Variants in SLC25A26 observed in about 807,000 individuals in gnomAD.
The protein encoded by SLC25A26 is solute carrier family 25 member 26.
Under a neutral mutation model 37.8 loss-of-function variants are expected in SLC25A26, and 36 were observed. The observed-to-expected ratio is 0.95, with a 90% confidence interval of 0.73 to 1.26. The LOEUF is 1.26. Ranked by LOEUF, SLC25A26 falls within the 50% of genes most tolerant of loss-of-function variation. The probability of loss-of-function intolerance (pLI) is 0.00; values close to 1 mark genes in which losing one functional copy is unlikely to be tolerated. For synonymous variants in SLC25A26, 129 were observed against 122.5 expected (o/e 1.05, Z -0.35); for missense variants, 390 against 331.1 (o/e 1.18, Z -1.38).
At chr3:66,291,295 TTG>T (rs747161605) in intron 5 of SLC25A26, among the ~76,000 whole-genome samples, 6 of 152,178 alleles carry the variant, frequency 3.9e-5, no homozygotes, top group South Asian at 4.1e-4. Context: ...GGGGGTTTTT[TTG>T]TGTCTCTTTC....
At chr3:66,135,202 T>C (rs1464186178) in intron 1 of SLC25A26, among the ~76,000 whole-genome samples, 2 of 152,204 alleles carry the variant, frequency 1.3e-5, no homozygotes, top group Non-Finnish European at 2.9e-5. Flanking sequence ...TGTTTTTAAT[T>C]TTGTTTTTGT....
At chr3:66,198,213 G>C (rs1576633144) in intron 1 of SLC25A26, among the ~76,000 whole-genome samples, 1 of 151,992 alleles carries the variant, frequency 6.6e-6, no homozygotes, top group African/African-American at 2.4e-5. Flanking sequence ...TTCAGAACAG[G>C]ATGATAATTG....
chr3:66,241,247 G>T (rs2072570619), intron 2 of SLC25A26, among the ~76,000 whole-genome samples: 1 of 151,978 alleles, frequency 6.6e-6, no homozygotes, highest in African/African-American at 2.4e-5. Context: ...TGACTTAATT[G>T]GTCTGAGGTG....
chr3:66,163,590 A>G (rs1481930966), intron 1 of SLC25A26, among the ~76,000 whole-genome samples: 3 of 152,230 alleles, frequency 2.0e-5, no homozygotes, highest in African/African-American at 7.2e-5. Flanking sequence ...CATGACTTCT[A>G]CATTTCAATT....
At chr3:66,331,786 A>G (rs1278202080) in intron 5 of SLC25A26, among the ~76,000 whole-genome samples, 2 of 152,106 alleles carry the variant, frequency 1.3e-5, no homozygotes, top group Non-Finnish European at 2.9e-5. Flanking sequence ...AAAACATGTG[A>G]CTTTCCCCAC....
At chr3:66,299,788 A>AC (rs2075018351) in intron 5 of SLC25A26, among the ~76,000 whole-genome samples, 1 of 152,200 alleles carries the variant, frequency 6.6e-6, no homozygotes, top group Non-Finnish European at 1.5e-5. Context: ...TTGTTTGTAT[A>AC]ACTCCTTGAG....
chr3:66,204,443 A>G (rs1459909568), intron 1 of SLC25A26, among the ~76,000 whole-genome samples: 1 of 147,990 alleles, frequency 6.8e-6, no homozygotes, highest in African/African-American at 2.5e-5. Flanking sequence ...AAAAAAAGAA[A>G]AAAAGAAAAA....
chr3:66,226,563 C>T (rs947044194), intron 1 of SLC25A26, among the ~76,000 whole-genome samples: 2 of 152,132 alleles, frequency 1.3e-5, no homozygotes, highest in African/African-American at 4.8e-5. Flanking sequence ...ATCCTCCCAC[C>T]TCAGCCTCCT....
intron 6 of SLC25A26, among the ~76,000 whole-genome samples, chr3:66,357,978 C>T (rs1390393717): frequency 6.6e-6 from 1 of 152,150 alleles, no homozygotes; most frequent in Non-Finnish European, 1.5e-5. Flanking sequence ...TGAGATTATA[C>T]ATGTAAAATC....
intron 1 of SLC25A26, among the ~76,000 whole-genome samples, chr3:66,209,898 T>TTATATTTATATATATATATA (rs2071257057): frequency 5.2e-5 from 2 of 38,616 alleles, no homozygotes; most frequent in Non-Finnish European, 1.0e-4. Context: ...CTCTCTCTAT[T>TTATATTTATATATATATATA]TATATATATA....
At chr3:66,217,777 T>C (rs2071383402), upstream of SLC25A26, among the ~76,000 whole-genome samples, 1 of 152,214 alleles carries the variant, frequency 6.6e-6, no homozygotes, top group African/African-American at 2.4e-5. Context: ...CTCAAACTTC[T>C]GACCTCAGGT....
At chr3:66,171,038 C>G (rs1177157151) in intron 1 of SLC25A26, among the ~76,000 whole-genome samples, 1 of 151,520 alleles carries the variant, frequency 6.6e-6, no homozygotes, top group Non-Finnish European at 1.5e-5. Context: ...CTCCTGACCT[C>G]GTGATCCGCC....
At chr3:66,186,215 A>G (rs1293604518) in intron 1 of SLC25A26, among the ~76,000 whole-genome samples, 4 of 151,910 alleles carry the variant, frequency 2.6e-5, no homozygotes, top group Non-Finnish European at 5.9e-5. Context: ...CATGACCCTC[A>G]CACTGACCCT....
intron 5 of SLC25A26, among the ~76,000 whole-genome samples, chr3:66,314,726 C>T (rs1212700063): frequency 1.3e-5 from 2 of 151,354 alleles, no homozygotes; most frequent in Admixed American, 1.3e-4. Flanking sequence ...TGGTAGAATT[C>T]AGCTGTAAAA....
intron 1 of SLC25A26, among the ~76,000 whole-genome samples, chr3:66,158,854 A>G (rs151213315): frequency 6.6e-6 from 1 of 152,268 alleles, no homozygotes; most frequent in East Asian, 1.9e-4. Flanking sequence ...GTAAAGCCCA[A>G]GAAGTTCCTG....
At chr3:66,167,078 GT>G (rs1364885394) in intron 1 of SLC25A26, among the ~76,000 whole-genome samples, 2 of 152,200 alleles carry the variant, frequency 1.3e-5, no homozygotes, top group African/African-American at 4.8e-5. Context: ...CCCCAGCCAC[GT>G]GGAGCTGTGA....
intron 9 of SLC25A26, chr3:66,371,075 G>A: frequency 7.4e-7 from 1 of 1,349,378 alleles, no homozygotes. Context: ...AAGTGCCTCA[G>A]ACTTCTAGCT....
chr3:66,224,498 C>T (rs1384342614), intron 1 of SLC25A26, among the ~76,000 whole-genome samples: 1 of 152,202 alleles, frequency 6.6e-6, no homozygotes, highest in Non-Finnish European at 1.5e-5. Context: ...CCCCATGATT[C>T]AGTTACCTTC....
At chr3:66,299,554 C>A (rs922621863) in intron 5 of SLC25A26, among the ~76,000 whole-genome samples, 2 of 152,160 alleles carry the variant, frequency 1.3e-5, no homozygotes. Flanking sequence ...ACTATGTTAA[C>A]CCCCAGTCAC....
Sources: gnomAD v4.1 joint callset for allele counts (sites outside exome capture counted in the v4.1 genomes callset) on GRCh38, gnomAD v4.1.1 for gene constraint, MANE v1.5 for transcripts, NCBI Gene and HGNC (gene_info 2026-07-23, HGNC 2026-07-21) for gene names.